The following CFAP20DC variants were observed in gnomAD, a reference collection of about 807,000 sequenced individuals.
CFAP20DC encodes the protein protein CFAP20DC.
A neutral mutation model predicts 101.7 loss-of-function variants in CFAP20DC; 84 were observed. The ratio of observed to expected loss-of-function variants is 0.83; its 90% CI spans 0.69 to 0.99. CFAP20DC has a LOEUF of 0.99. Ranked by LOEUF, CFAP20DC falls within the 50% of genes least tolerant of loss-of-function variation. The pLI is 0.00. For synonymous variants in CFAP20DC, 359 were observed against 351.2 expected (o/e 1.02, Z -0.25); for missense variants, 1,007 against 970.3 (o/e 1.04, Z -0.50).
intron 15 of CFAP20DC, among the ~76,000 whole-genome samples, chr3:58,763,229 CTTCAT>C (rs1239709977): frequency 6.7e-6 from 1 of 149,064 alleles, no homozygotes; most frequent in African/African-American, 2.5e-5. Flanking sequence ...TGGAGGCTTT[CTTCAT>C]TTCTTTTTAT....
In CFAP20DC at chr3:58,794,861, G is replaced by C. The variant is rs149891543; in HGVS notation, c.2237+11534C>G. Among the ~76,000 whole-genome samples the C allele has an allele frequency of 6.7e-3, 1,015 of 152,284 alleles. 7 individuals are homozygous for C. The highest frequency in any genetic ancestry group is 0.011 in the Non-Finnish European group (728 of 68,022). Reference sequence around the variant, plus strand: ...ACTTCAAAAATACTCATCGAGCGTTGCTGAAAGTATGAGCTACAATACTCT... The same window carrying C: ...ACTTCAAAAATACTCATCGAGCGTTCCTGAAAGTATGAGCTACAATACTCT... On this transcript the variant is annotated intron_variant, in intron 15 of 16. Transcript: ENST00000482387.
chr3:58,826,345 A>T (rs2076038035), intron 14 of CFAP20DC, among the ~76,000 whole-genome samples: 1 of 152,136 alleles, frequency 6.6e-6, no homozygotes, highest in South Asian at 2.1e-4. Context: ...ATACATGGGC[A>T]GAATGTGTAG....
intron 15 of CFAP20DC, among the ~76,000 whole-genome samples, chr3:58,765,471 C>CAAAAAAAAAAAAAAAAAACAAAAAAAAAA (rs1288496269): frequency 7.2e-5 from 2 of 27,784 alleles, no homozygotes; most frequent in Non-Finnish European, 1.4e-4. Context: ...ACATTCTAGC[C>CAAAAAAAAAAAAAAAAAACAAAAAAAAAA]AAAAAAAAAA....
chr3:58,757,375 TAC>T (rs111878818), intron 15 of CFAP20DC, among the ~76,000 whole-genome samples: 12 of 151,756 alleles, frequency 7.9e-5, no homozygotes, highest in Non-Finnish European at 1.6e-4. Context: ...TGTACATACA[TAC>T]ACACACACAC....
intron 14 of CFAP20DC, among the ~76,000 whole-genome samples, chr3:58,816,317 T>A (rs1474784888): frequency 6.6e-6 from 1 of 152,112 alleles, no homozygotes; most frequent in Non-Finnish European, 1.5e-5. Context: ...ACAGCTCTGG[T>A]CTACAGCTCC....
At chr3:58,841,117 G>C (rs992461990) in intron 13 of CFAP20DC, among the ~76,000 whole-genome samples, 1 of 152,242 alleles carries the variant, frequency 6.6e-6, no homozygotes, top group Non-Finnish European at 1.5e-5. Context: ...AAAGGAGGGA[G>C]AACCACCCCT....
intron 6 of CFAP20DC, among the ~76,000 whole-genome samples, chr3:58,888,291 G>GT (rs1435091399): frequency 6.6e-6 from 1 of 152,194 alleles, no homozygotes; most frequent in African/African-American, 2.4e-5. Context: ...TGTGCCAGGC[G>GT]TATGTCTAAT....
At chr3:58,750,144 A>G (rs933858515) in intron 16 of CFAP20DC, among the ~76,000 whole-genome samples, 1 of 152,240 alleles carries the variant, frequency 6.6e-6, no homozygotes, top group South Asian at 2.1e-4. Flanking sequence ...GCTGTGACAC[A>G]AACTCCTACT....
chr3:58,751,331 T>C (rs1055775232), intron 16 of CFAP20DC, among the ~76,000 whole-genome samples: 44 of 152,192 alleles, frequency 2.9e-4, no homozygotes, highest in Admixed American at 2.8e-3. Flanking sequence ...CTGATCTACT[T>C]AGGTAAGACT....
At chr3:59,031,814 C>T (rs2094000410) in intron 4 of CFAP20DC, among the ~76,000 whole-genome samples, 1 of 152,170 alleles carries the variant, frequency 6.6e-6, no homozygotes, top group Non-Finnish European at 1.5e-5. Flanking sequence ...ATTTATGTCA[C>T]TCTCATTTTA....
At chr3:58,783,626 GT>G (rs1351737177) in intron 15 of CFAP20DC, among the ~76,000 whole-genome samples, 35 of 150,264 alleles carry the variant, frequency 2.3e-4, no homozygotes, top group African/African-American at 7.7e-4. Flanking sequence ...ATTAAAACAT[GT>G]GCAAAAACCA....
At chr3:58,814,299 C>G (rs182245105) in intron 14 of CFAP20DC, among the ~76,000 whole-genome samples, 1 of 151,860 alleles carries the variant, frequency 6.6e-6, no homozygotes, top group Non-Finnish European at 1.5e-5. Context: ...AGTGACTCAG[C>G]CCCTCCTTGC....
At chr3:59,023,468 GGA>G (rs1259819274) in intron 4 of CFAP20DC, among the ~76,000 whole-genome samples, 2 of 152,100 alleles carry the variant, frequency 1.3e-5, no homozygotes, top group Non-Finnish European at 2.9e-5. Flanking sequence ...TTCAAAAAGT[GGA>G]GAGATGGGAT....
intron 4 of CFAP20DC, among the ~76,000 whole-genome samples, chr3:58,987,956 T>G (rs2092806137): frequency 6.6e-6 from 1 of 151,998 alleles, no homozygotes; most frequent in Non-Finnish European, 1.5e-5. Context: ...CCCAACTTAA[T>G]TTATCAAATA....
intron 14 of CFAP20DC, chr3:58,824,528 A>C (rs2075908054): frequency 6.6e-6 from 1 of 152,176 alleles, no homozygotes; most frequent in Non-Finnish European, 1.5e-5. Context: ...AGCGAAATGA[A>C]GGCTAAATAA....
intron 12 of CFAP20DC, among the ~76,000 whole-genome samples, chr3:58,853,603 G>C (rs989540935): frequency 9.9e-5 from 15 of 151,974 alleles, no homozygotes; most frequent in Non-Finnish European, 1.6e-4. Flanking sequence ...CTGGCAAACC[G>C]AATCCAGCAG....
At chr3:58,958,514 C>T (rs1282907174) in intron 4 of CFAP20DC, among the ~76,000 whole-genome samples, 1 of 152,134 alleles carries the variant, frequency 6.6e-6, no homozygotes, top group African/African-American at 2.4e-5. Flanking sequence ...TTTATGTGGA[C>T]ACGTTTTCAC....
chr3:58,764,908 G>T (rs1342407457), intron 15 of CFAP20DC, among the ~76,000 whole-genome samples: 2 of 152,200 alleles, frequency 1.3e-5, no homozygotes, highest in Non-Finnish European at 2.9e-5. Flanking sequence ...TCTGCAAGAA[G>T]AGGTGCTGTA....
chr3:59,014,159 G>A lies in CFAP20DC; in HGVS notation c.278+25398C>T, dbSNP rs2093643920. ...GCAGTGAGTTAGAAGGTTTAGCTCAGCTGCTGCCTAGAGTGATGGATGGCC... is the reference window on the plus strand; with the variant it reads ...GCAGTGAGTTAGAAGGTTTAGCTCAACTGCTGCCTAGAGTGATGGATGGCC... On this transcript the variant is annotated intron_variant, in intron 4 of 16. Transcript: ENST00000482387. The surrounding 1 kb of genome is among the most constrained non-coding windows in gnomAD (Gnocchi z 4.9). 6.6e-6 allele frequency among the ~76,000 whole-genome samples: 1 copy of A among 152,236 alleles called. No homozygotes were observed. Among genetic ancestry groups the A allele is most frequent in the South Asian group, 2.1e-4 (1 of 4,826 alleles).
Sources: allele counts gnomAD v4.1 joint callset (sites outside exome capture counted in the v4.1 genomes callset), GRCh38; gene constraint gnomAD v4.1.1; non-coding constraint Gnocchi (gnomAD v3.1); transcripts MANE v1.5; gene names NCBI Gene and HGNC (gene_info 2026-07-23, HGNC 2026-07-21).